Variants in LEF1 observed in about 807,000 individuals in gnomAD.
LEF1 encodes lymphoid enhancer binding factor 1.
LEF1 carries 14 observed loss-of-function variants against 51.2 expected under a neutral mutation model. The ratio of observed to expected loss-of-function variants is 0.27; its 90% CI spans 0.18 to 0.43. The LOEUF is 0.43. Among genes scored for constraint, LEF1 ranks in the 20% least tolerant of loss-of-function variants. The pLI is 1.00. For missense variants in LEF1, 386 were observed against 512.0 expected, an observed-to-expected ratio of 0.75 and a Z score of 2.37; for synonymous variants, 185 against 183.2, an observed-to-expected ratio of 1.01 and a Z score of -0.08.
chr4:108,096,526 G>T (rs1740408355), intron 3 of LEF1, among the ~76,000 whole-genome samples: 2 of 152,184 alleles, frequency 1.3e-5, no homozygotes, highest in African/African-American at 4.8e-5. Context: ...GGAGGACAGG[G>T]AAAGAAGTGG....
intron 3 of LEF1, among the ~76,000 whole-genome samples, chr4:108,096,044 A>G (rs1004771059): frequency 6.6e-6 from 1 of 152,240 alleles, no homozygotes; most frequent in Non-Finnish European, 1.5e-5. Flanking sequence ...TTGAAAATTA[A>G]GAGAAGGAAC....
At chr4:108,143,456 T>C (rs990511951) in intron 3 of LEF1, among the ~76,000 whole-genome samples, 10 of 152,228 alleles carry the variant, frequency 6.6e-5, no homozygotes, top group Non-Finnish European at 1.3e-4. Context: ...TTTCTGTAGG[T>C]TGCATTCTTA....
At chr4:108,076,287 T>C (rs1264773671) in intron 8 of LEF1, among the ~76,000 whole-genome samples, 1 of 152,252 alleles carries the variant, frequency 6.6e-6, no homozygotes, top group Non-Finnish European at 1.5e-5. Context: ...GTCATAAAAC[T>C]TGAAGCTCCA....
chr4:108,059,615 T>C (rs1308374179), intron 11 of LEF1, among the ~76,000 whole-genome samples: 1 of 152,164 alleles, frequency 6.6e-6, no homozygotes, highest in Non-Finnish European at 1.5e-5. Context: ...CCACTGCTTC[T>C]AGCCTAGCTT....
At chr4:108,121,542 A>T (rs925846668) in intron 3 of LEF1, among the ~76,000 whole-genome samples, 8 of 152,238 alleles carry the variant, frequency 5.3e-5, no homozygotes, top group African/African-American at 1.4e-4. Context: ...TATTTCGGGC[A>T]TTACAGAGTT....
chr4:108,074,465 A>T (rs746621429), intron 8 of LEF1, among the ~76,000 whole-genome samples: 4 of 152,214 alleles, frequency 2.6e-5, no homozygotes, highest in Non-Finnish European at 5.9e-5. Context: ...TATAATATGG[A>T]TTAAAAATAA....
intron 3 of LEF1, among the ~76,000 whole-genome samples, chr4:108,109,823 A>G (rs1339446921): frequency 1.3e-5 from 2 of 152,138 alleles, no homozygotes; most frequent in Admixed American, 1.3e-4. Context: ...TCCATCATCA[A>G]GTGTCCCAGG....
At chr4:108,137,874 C>T (rs1299724335) in intron 3 of LEF1, among the ~76,000 whole-genome samples, 1 of 152,080 alleles carries the variant, frequency 6.6e-6, no homozygotes, top group Non-Finnish European at 1.5e-5. Context: ...TAACATTCAC[C>T]TAATTTTAAA....
intron 3 of LEF1, among the ~76,000 whole-genome samples, chr4:108,117,500 A>G (rs1741910209): frequency 6.6e-6 from 1 of 152,236 alleles, no homozygotes; most frequent in Non-Finnish European, 1.5e-5. Flanking sequence ...GTTCTTCAGT[A>G]ACTTTCTTCC....
chr4:108,096,929 G>T (rs1247169279), intron 3 of LEF1, among the ~76,000 whole-genome samples: 2 of 152,174 alleles, frequency 1.3e-5, no homozygotes, highest in African/African-American at 4.8e-5. Context: ...TTATCCAAAG[G>T]ACAGGTAATA....
In LEF1 at chr4:108,079,477, C is replaced by G. The variant is rs776062050; in HGVS notation, c.845+15G>C. 6.2e-7 allele frequency: 1 copy of G among 1,613,818 alleles called. No individual in the cohort carries two copies. Among genetic ancestry groups the G allele is most frequent in the Non-Finnish European group, 8.5e-7 (1 of 1,179,868 alleles). On this transcript the variant is annotated intron_variant, in intron 7 of 11. Coordinates refer to ENST00000265165, the MANE Select transcript of LEF1 (RefSeq NM_016269.5). Reference sequence around the variant, plus strand: ...ATCCTAAGGCAATCACAGCAGAGCCCGGGTGGATACTTACACGTGCATTAG... The same window carrying G: ...ATCCTAAGGCAATCACAGCAGAGCCGGGGTGGATACTTACACGTGCATTAG...
chr4:108,127,838 G>T (rs1252314967), intron 3 of LEF1, among the ~76,000 whole-genome samples: 1 of 152,078 alleles, frequency 6.6e-6, no homozygotes, highest in African/African-American at 2.4e-5. Flanking sequence ...GAAGGGTTTG[G>T]GACTAGGCAA....
chr4:108,162,759 C>T, intron 3 of LEF1, among the ~76,000 whole-genome samples: 1 of 152,058 alleles, frequency 6.6e-6, no homozygotes, highest in East Asian at 1.9e-4. Context: ...AGTCCGTCAC[C>T]AACGCTGGTG....
At position 108,166,366 on chromosome 4, in the gene LEF1, T is replaced by C; in HGVS notation, c.213+1189A>G. 13 of 1,491,044 alleles carry C rather than the reference T, an allele frequency of 8.7e-6. No individual in the cohort carries two copies. In the South Asian group the frequency reaches 1.7e-4, roughly 19 times the overall value. The allele number at this position is 1,491,044 out of a possible 1,614,324, so 92.4% of individuals were successfully genotyped here. ...CCCGCCCTCAAAACCACACACTTTC[T>C]TTTTGGGGGTAGAAAGATGCCATTT... On this transcript the variant is annotated intron_variant, in intron 1 of 11. Transcript: ENST00000265165.
chr4:108,063,104 TTAAA>T (rs2126265529), intron 11 of LEF1, among the ~76,000 whole-genome samples: 1 of 152,268 alleles, frequency 6.6e-6, no homozygotes, highest in Admixed American at 6.5e-5. Context: ...CCATGCCATA[TTAAA>T]TAATAGAAAA....
intron 3 of LEF1, among the ~76,000 whole-genome samples, chr4:108,092,939 A>AAAAAAAC (rs1740136975): frequency 1.1e-5 from 1 of 90,670 alleles, no homozygotes. Context: ...AAAAAAAAAA[A>AAAAAAAC]AAAAAAAAAA....
intron 1 of LEF1, chr4:108,166,400 A>C: frequency 6.2e-6 from 9 of 1,444,278 alleles, no homozygotes; most frequent in Non-Finnish European, 8.2e-6. Context: ...TTAAGGAAAA[A>C]AAGGTATATC....
In LEF1 at chr4:108,083,451, T is replaced by C. The variant is rs759463820; in HGVS notation, c.548-5A>G. The C allele has an allele frequency of 6.3e-7, 1 of 1,585,096 alleles. No individual in the cohort carries two copies. Among genetic ancestry groups the C allele is most frequent in the Admixed American group, 1.7e-5 (1 of 59,638 alleles). The stretch of plus-strand genomic sequence containing the variant: ...CTGGAGGATGTCTGGACATGCCTGT[T>C]AAACAGAACAGAGAGGTATCATTTA... On this transcript the variant is annotated splice_polypyrimidine_tract_variant and splice_region_variant and intron_variant, in intron 4 of 11. Coordinates refer to ENST00000265165, the MANE Select transcript of LEF1 (RefSeq NM_016269.5).
intron 11 of LEF1, among the ~76,000 whole-genome samples, chr4:108,053,331 T>C (rs1737123764): frequency 6.6e-6 from 1 of 152,090 alleles, no homozygotes; most frequent in Non-Finnish European, 1.5e-5. Context: ...AAAATGAAAA[T>C]GTGTGGTTAG....
Sources: gnomAD v4.1 joint callset for allele counts (sites outside exome capture counted in the v4.1 genomes callset) on GRCh38, gnomAD v4.1.1 for gene constraint, MANE v1.5 for transcripts, NCBI Gene and HGNC (gene_info 2026-07-23, HGNC 2026-07-21) for gene names.